MOGAT1: variants seen among roughly 807,000 people sequenced by gnomAD.
MOGAT1 encodes 2-acylglycerol O-acyltransferase 1.
MOGAT1 carries 32 observed loss-of-function variants against 31.4 expected under a neutral mutation model. That is an observed-to-expected ratio of 1.02 (90% CI 0.77 to 1.37). The LOEUF (loss-of-function observed/expected upper bound fraction) is 1.37, where lower values mean the gene tolerates loss of function less well. Ranked by LOEUF, MOGAT1 falls within the 40% of genes most tolerant of loss-of-function variation. The pLI, the probability that MOGAT1 is intolerant of heterozygous loss-of-function variation, is 0.00. For missense variants in MOGAT1, 426 were observed against 402.0 expected (o/e 1.06, Z -0.51); for synonymous variants, 145 against 144.5 (o/e 1.00, Z -0.03).
intron 5 of MOGAT1, 87 bp downstream of exon 5, chr2:222,695,375 C>A: frequency 1.2e-6 from 1 of 844,406 alleles, no homozygotes; most frequent in Non-Finnish European, 1.8e-6. Context: ...AGGGAAGTGG[C>A]TTTGAGTAAG....
At chr2:222,689,797 G>A (rs762882745) in intron 3 of MOGAT1, among the ~76,000 whole-genome samples, 1 of 152,164 alleles carries the variant, frequency 6.6e-6, no homozygotes, top group Non-Finnish European at 1.5e-5. Flanking sequence ...AAGAAATCAG[G>A]GATCAAGTAA....
At chr2:222,680,910 G>T (rs1425655220) in intron 1 of MOGAT1, among the ~76,000 whole-genome samples, 1 of 152,192 alleles carries the variant, frequency 6.6e-6, no homozygotes, top group African/African-American at 2.4e-5. Flanking sequence ...TTTGGCTGAT[G>T]CAGGTTGCTC....
At chr2:222,704,469 A>G (rs1692974101) in intron 5 of MOGAT1, among the ~76,000 whole-genome samples, 1 of 151,924 alleles carries the variant, frequency 6.6e-6, no homozygotes, top group Non-Finnish European at 1.5e-5. Context: ...CTAAAAATAC[A>G]AAAAATTAGC....
At chr2:222,697,617 T>C (rs1692855538) in intron 5 of MOGAT1, among the ~76,000 whole-genome samples, 1 of 146,224 alleles carries the variant, frequency 6.8e-6, no homozygotes, top group Non-Finnish European at 1.5e-5. Flanking sequence ...AGTTGCACTC[T>C]TGTCACCCAG....
At position 222,671,662 on chromosome 2, in the gene MOGAT1, T is replaced by C. The variant is rs1302596356; in HGVS notation, c.-124T>C. On this transcript the variant is annotated 5_prime_UTR_variant, in exon 1 of 6. Transcript: ENST00000446656. ...CCCGCTCGCTGCCTAGCCTCTGCCT[T>C]TTCCTCTCCGCCCAGCCAGTGCCCA... 2.1e-4 allele frequency: 168 copies of C among 812,974 alleles called. No homozygotes were observed. The highest frequency in any genetic ancestry group is 8.6e-5 in the South Asian group (5 of 57,894). The allele number at this position is 812,974 out of a possible 1,614,324, so 50.4% of individuals were successfully genotyped here.
rs577166351 is a variant in MOGAT1, at chr2:222,671,878, C to T, written c.93C>T (p.Leu31=). 5 of 1,550,342 alleles carry T rather than the reference C, an allele frequency of 3.2e-6. No individual in the cohort carries two copies. In the South Asian group the frequency reaches 6.0e-5, roughly 18 times the overall value. Residue 31 remains leucine, a splice_region_variant and synonymous_variant, in exon 1 of 6, where the codon CTC becomes CTT. Transcript: ENST00000446656. ...VLQWVLKYLL[L]GPMSIGITVM... is the part of the protein sequence containing the mutation. ...AGTGGGTCCTGAAATACCTGCTGCT[C>T]GGTAAGGACCCCGCCCCCCGGGCCG...
intron 3 of MOGAT1, among the ~76,000 whole-genome samples, chr2:222,691,174 G>GTTTCTTTTTCTTT (rs139453683): frequency 0.45 from 67,282 of 151,012 alleles, 18,136 homozygotes; most frequent in African/African-American, 0.77. Flanking sequence ...GCAATCCCTG[G>GTTTCTTTTTCTTT]TTTCTTTTTA....
At chr2:222,682,612 A>G (rs1692600375) in intron 1 of MOGAT1, among the ~76,000 whole-genome samples, 1 of 152,214 alleles carries the variant, frequency 6.6e-6, no homozygotes, top group African/African-American at 2.4e-5. Context: ...TGTTTCAAAC[A>G]TGTAGTAAGG....
Position 222,673,883 on chromosome 2 carries a change from C to T in MOGAT1, c.94+2004C>T, listed in dbSNP as rs75008177. On this transcript the variant is annotated intron_variant, in intron 1 of 5. Transcript: ENST00000446656. The stretch of plus-strand genomic sequence containing the variant: ...ATGTCTGGCCCATGGAAGATATACA[C>T]GAATACTTGAGATATACACAAATAC... Among the ~76,000 whole-genome samples, 9 of 152,242 alleles carry T rather than the reference C, an allele frequency of 5.9e-5. No homozygotes were observed. The East Asian group carries it at 1.4e-3, about 23-fold the overall frequency.
In MOGAT1 at chr2:222,709,806, C is replaced by A; in HGVS notation, c.924C>A (p.Thr308=). Residue 308 remains threonine, a synonymous_variant, in exon 6 of 6, where the codon ACC becomes ACA. Coordinates refer to ENST00000446656, the MANE Select transcript of MOGAT1 (RefSeq NM_058165.3). The part of the protein sequence containing the change: ...TQEQIEELHQ[T]YMEELRKLFE... ...AGCAGATTGAGGAGTTACATCAGAC[C>A]TATATGGAGGAACTTAGGAAATTGT... The A allele has an allele frequency of 1.2e-6, 2 of 1,613,366 alleles. No individual in the cohort carries two copies. Among genetic ancestry groups the A allele is most frequent in the Non-Finnish European group, 1.7e-6 (2 of 1,179,604 alleles).
chr2:222,688,452 G>A lies in MOGAT1; in HGVS notation c.203G>A (p.Gly68Glu), dbSNP rs1185264892. The change falls in exon 2 of 6, where the codon GGA becomes GAA. Residue 68 changes from glycine to glutamate, a missense_variant. Transcript: ENST00000446656. ...TTTGACTGGCATACCCCAGAGCGAG[G>A]AGGCAGGAGATCCAGCTGGATCAAA... is the stretch of plus-strand genomic sequence containing the variant. ...LYFDWHTPER[G>E]GRRSSWIKNW... is the part of the protein sequence containing the mutation. 3 of 1,613,856 alleles carry A rather than the reference G, an allele frequency of 1.9e-6. No homozygotes were observed. Among genetic ancestry groups the A allele is most frequent in the South Asian group, 2.2e-5 (2 of 91,032 alleles).
At chr2:222,682,190 A>G (rs778207047) in intron 1 of MOGAT1, among the ~76,000 whole-genome samples, 1 of 152,230 alleles carries the variant, frequency 6.6e-6, no homozygotes, top group Non-Finnish European at 1.5e-5. Flanking sequence ...AGAAGAAACT[A>G]AATTGTAAAC....
intron 5 of MOGAT1, among the ~76,000 whole-genome samples, chr2:222,704,263 C>G (rs1255762800): frequency 6.6e-6 from 1 of 152,050 alleles, no homozygotes; most frequent in Non-Finnish European, 1.5e-5. Flanking sequence ...TTTTCTTCTC[C>G]TTAGTACTAA....
chr2:222,694,233 A>G (rs1182936938), intron 3 of MOGAT1, 129 bp from the exon 4 acceptor site: 7 of 790,516 alleles, frequency 8.9e-6, no homozygotes, highest in African/African-American at 1.8e-5. Flanking sequence ...ACAAACTTAC[A>G]AAGTGCTCCA....
rs1398781012 is a variant in MOGAT1, at chr2:222,701,561, GAGAA to G, written c.853+6283_853+6286del. Among the ~76,000 whole-genome samples the G allele has an allele frequency of 4.4e-4, 37 of 84,700 alleles. 1 individual carries two copies. Among genetic ancestry groups the G allele is most frequent in the South Asian group, 9.5e-4 (3 of 3,146 alleles). The allele number at this position is 84,700 out of a possible 152,430, so 55.6% of individuals were successfully genotyped here. On this transcript the variant is annotated intron_variant, in intron 5 of 5. Transcript: ENST00000446656. ...AAAGAAAAAAGAAAAAAGAAAGAAA[GAGAA>G]AGAAAGAAAAGAAAGAAAAAGAAAG... is the stretch of plus-strand genomic sequence containing the variant.
chr2:222,709,536 C>T (rs770770357), intron 5 of MOGAT1, among the ~76,000 whole-genome samples, 200 bp from the exon 6 acceptor site: 3 of 152,202 alleles, frequency 2.0e-5, no homozygotes, highest in Non-Finnish European at 2.9e-5. Flanking sequence ...CCAGTGTCTG[C>T]TGAGGAGGAA....
At chr2:222,675,060 A>G (rs1692474989) in intron 1 of MOGAT1, among the ~76,000 whole-genome samples, 1 of 152,258 alleles carries the variant, frequency 6.6e-6, no homozygotes, top group Non-Finnish European at 1.5e-5. Context: ...CAGGTAGAAC[A>G]GTGTCTCCCC....
chr2:222,701,446 A>G (rs1406254601), intron 5 of MOGAT1, among the ~76,000 whole-genome samples: 1 of 149,908 alleles, frequency 6.7e-6, no homozygotes, highest in Non-Finnish European at 1.5e-5. Flanking sequence ...GAGGAGAGAA[A>G]GGAAGGAAGG....
intron 1 of MOGAT1, among the ~76,000 whole-genome samples, chr2:222,681,389 T>C (rs1413910570): frequency 1.3e-5 from 2 of 152,150 alleles, no homozygotes; most frequent in East Asian, 3.8e-4. Flanking sequence ...AAAACACTTA[T>C]GTTTGGCAGT....
Sources: allele counts gnomAD v4.1 joint callset (sites outside exome capture counted in the v4.1 genomes callset), GRCh38; gene constraint gnomAD v4.1.1; transcripts MANE v1.5; gene names NCBI Gene and HGNC (gene_info 2026-07-23, HGNC 2026-07-21).